Variants in MCC observed in about 807,000 individuals in gnomAD.
MCC encodes the protein MCC regulator of Wnt signaling pathway.
Under a neutral mutation model 116.2 loss-of-function variants are expected in MCC, and 90 were observed. The ratio of observed to expected loss-of-function variants is 0.77; its 90% CI spans 0.65 to 0.92. The LOEUF is 0.92. MCC is among the 40% of genes least tolerant of loss of function. The probability of loss-of-function intolerance (pLI) is 0.00; values close to 1 mark genes in which losing one functional copy is unlikely to be tolerated. For synonymous variants in MCC, 578 were observed against 510.5 expected (o/e 1.13, Z -1.78); for missense variants, 1,516 against 1,312.2 (o/e 1.16, Z -2.40).
In MCC at chr5:113,341,356, A is replaced by T. The variant is rs550858616; in HGVS notation, c.416-626T>A. Among the ~76,000 whole-genome samples the T allele has an allele frequency of 5.9e-3, 879 of 150,162 alleles. 4 individuals are homozygous for T. Among genetic ancestry groups the T allele is most frequent in the African/African-American group, 0.019 (781 of 40,792 alleles). On this transcript the variant is annotated intron_variant, in intron 2 of 18. Coordinates refer to ENST00000408903, the MANE Select transcript of MCC (RefSeq NM_001085377.2). ...TGATCCTCCTGCCTCATTAAAAAAA[A>T]TTTTTTTTGTAGACCTCATTTCTAT... is the stretch of plus-strand genomic sequence containing the variant.
At chr5:113,448,386 GA>G (rs987642817) in intron 1 of MCC, 1 of 150,944 alleles carries the variant, frequency 6.6e-6, no homozygotes, top group African/African-American at 2.5e-5. Flanking sequence ...CTTCACATCA[GA>G]AAAACCTTTC....
intron 1 of MCC, among the ~76,000 whole-genome samples, chr5:113,467,506 T>A (rs1407277402): frequency 6.6e-6 from 1 of 152,172 alleles, no homozygotes; most frequent in East Asian, 1.9e-4. Flanking sequence ...ATATGCAGCA[T>A]TATTTCTGAG....
At chr5:113,049,041 T>A in intron 16 of MCC, 52 bp downstream of exon 16, 1 of 1,566,394 alleles carries the variant, frequency 6.4e-7, no homozygotes, top group South Asian at 1.1e-5. Context: ...CACTGGGCAG[T>A]CACTGGGCAG....
intron 5 of MCC, among the ~76,000 whole-genome samples, chr5:113,141,205 C>T (rs1424772872): frequency 1.3e-5 from 2 of 152,216 alleles, no homozygotes; most frequent in African/African-American, 2.4e-5. Flanking sequence ...CTCCTGGCTC[C>T]GTAGCCTTTG....
chr5:113,277,853 C>A (rs1363247379), intron 3 of MCC, among the ~76,000 whole-genome samples: 1 of 152,168 alleles, frequency 6.6e-6, no homozygotes, highest in Non-Finnish European at 1.5e-5. Context: ...GCCATGAAGA[C>A]CAAAGATGCC....
intron 3 of MCC, among the ~76,000 whole-genome samples, chr5:113,245,382 CTT>C (rs1367612433): frequency 1.3e-5 from 2 of 151,464 alleles, no homozygotes; most frequent in South Asian, 4.2e-4. Context: ...TGTCCTCTCT[CTT>C]GTGTTCTCCA....
At chr5:113,042,214 G>A (rs1751753227) in intron 17 of MCC, among the ~76,000 whole-genome samples, 1 of 151,154 alleles carries the variant, frequency 6.6e-6, no homozygotes, top group Non-Finnish European at 1.5e-5. Flanking sequence ...CTGCATGCCT[G>A]TAATCCCAAC....
At chr5:113,034,849 A>G (rs1455311707) in intron 17 of MCC, among the ~76,000 whole-genome samples, 1 of 152,148 alleles carries the variant, frequency 6.6e-6, no homozygotes, top group African/African-American at 2.4e-5. Flanking sequence ...CTCTTTGCTC[A>G]TGGCTTGCAC....
At chr5:113,210,493 T>C (rs1339746333) in intron 3 of MCC, among the ~76,000 whole-genome samples, 3 of 152,202 alleles carry the variant, frequency 2.0e-5, no homozygotes, top group Non-Finnish European at 4.4e-5. Context: ...GATAAATGTG[T>C]ATCCCCAGAC....
intron 3 of MCC, among the ~76,000 whole-genome samples, chr5:113,197,898 G>A (rs531237397): frequency 6.6e-6 from 1 of 152,322 alleles, no homozygotes; most frequent in South Asian, 2.1e-4. Context: ...GGCAGGAGAG[G>A]CGGAGGAAAG....
chr5:113,159,409 G>A (rs1045402153), intron 3 of MCC, among the ~76,000 whole-genome samples: 5 of 152,064 alleles, frequency 3.3e-5, no homozygotes, highest in African/African-American at 2.4e-5. Flanking sequence ...ATCACACATC[G>A]TCTTACCACT....
chr5:113,160,263 G>T (rs539157272), intron 3 of MCC, among the ~76,000 whole-genome samples: 3 of 152,166 alleles, frequency 2.0e-5, no homozygotes, highest in Non-Finnish European at 4.4e-5. Context: ...TGGCTCCCAA[G>T]GGGGAGAGGT....
At chr5:113,061,888 G>A (rs1753249617) in intron 14 of MCC, among the ~76,000 whole-genome samples, 1 of 152,180 alleles carries the variant, frequency 6.6e-6, no homozygotes, top group South Asian at 2.1e-4. Context: ...GGGAATGTCT[G>A]AGCCAGAATG....
chr5:113,190,617 C>A (rs2150313560), intron 3 of MCC, among the ~76,000 whole-genome samples: 1 of 152,216 alleles, frequency 6.6e-6, no homozygotes, highest in African/African-American at 2.4e-5. Flanking sequence ...ACCAAACAGA[C>A]AAAACAACTA....
At chr5:113,447,805 A>G (rs974450258) in intron 1 of MCC, among the ~76,000 whole-genome samples, 4 of 152,032 alleles carry the variant, frequency 2.6e-5, no homozygotes, top group African/African-American at 7.3e-5. Context: ...CTCTGCATTG[A>G]TGCCAAAAGT....
chr5:113,117,594 C>G (rs533174043), intron 6 of MCC, among the ~76,000 whole-genome samples: 39 of 152,262 alleles, frequency 2.6e-4, no homozygotes, highest in Middle Eastern at 3.4e-3. Flanking sequence ...CTCAAAATAA[C>G]AGAATGCTTC....
intron 2 of MCC, among the ~76,000 whole-genome samples, chr5:113,363,665 G>T (rs1173163879): frequency 6.6e-6 from 1 of 152,148 alleles, no homozygotes; most frequent in African/African-American, 2.4e-5. Flanking sequence ...ATTTGGTGGG[G>T]ATACAGATCC....
intron 3 of MCC, among the ~76,000 whole-genome samples, chr5:113,264,605 T>A (rs1431665911): frequency 6.6e-6 from 1 of 152,204 alleles, no homozygotes; most frequent in East Asian, 1.9e-4. Flanking sequence ...CCACAGCCCA[T>A]GGGCCAAATT....
Position 113,027,109 on chromosome 5 carries a change from C to A in MCC, c.*193G>T. The A allele has an allele frequency of 1.7e-6, 1 of 604,382 alleles. No homozygotes were observed. Among genetic ancestry groups the A allele is most frequent in the Non-Finnish European group, 2.9e-6 (1 of 343,502 alleles). The allele number at this position is 604,382 out of a possible 1,614,324, so 37.4% of individuals were successfully genotyped here. ...GCCCAGGAGGGAAGAGCGGGCACCTCTGGATACAGTCCACAATGTCACCAT... is the reference window on the plus strand; with the variant it reads ...GCCCAGGAGGGAAGAGCGGGCACCTATGGATACAGTCCACAATGTCACCAT... On this transcript the variant is annotated 3_prime_UTR_variant, in exon 19 of 19. Coordinates refer to ENST00000408903, the MANE Select transcript of MCC (RefSeq NM_001085377.2).
Sources: allele counts gnomAD v4.1 joint callset (sites outside exome capture counted in the v4.1 genomes callset), GRCh38; gene constraint gnomAD v4.1.1; transcripts MANE v1.5; gene names NCBI Gene and HGNC (gene_info 2026-07-23, HGNC 2026-07-21).